The following FYN variants were observed in gnomAD, a reference collection of about 807,000 sequenced individuals.
The protein encoded by FYN is FYN proto-oncogene, Src family tyrosine kinase.
Under a neutral mutation model 70.2 loss-of-function variants are expected in FYN, and 10 were observed. That is an observed-to-expected ratio of 0.14 (90% CI 0.09 to 0.24). The LOEUF (loss-of-function observed/expected upper bound fraction) is 0.24, where lower values mean the gene tolerates loss of function less well. Among genes scored for constraint, FYN ranks in the 10% least tolerant of loss-of-function variants. The pLI is 1.00. For synonymous variants in FYN, 236 were observed against 248.6 expected, an observed-to-expected ratio of 0.95 and a Z score of 0.48; for missense variants, 319 against 673.1, an observed-to-expected ratio of 0.47 and a Z score of 5.82.
chr6:111,775,720 TCACACACCCA>T (rs1185963394), intron 3 of FYN, among the ~76,000 whole-genome samples: 2 of 152,112 alleles, frequency 1.3e-5, no homozygotes, highest in Non-Finnish European at 2.9e-5. Context: ...AAGAATAAAG[TCACACACCCA>T]CCACAGGGAT....
chr6:111,792,556 A>G (rs76069317), intron 2 of FYN, among the ~76,000 whole-genome samples: 88 of 152,384 alleles, frequency 5.8e-4, no homozygotes, highest in African/African-American at 2.1e-3. Context: ...CAAACTCGAA[A>G]TAACTCAAAA....
intron 2 of FYN, among the ~76,000 whole-genome samples, chr6:111,828,293 G>C (rs1433845292): frequency 1.3e-5 from 2 of 152,142 alleles, no homozygotes; most frequent in African/African-American, 4.8e-5. Context: ...TGTGGAAAAA[G>C]AACTTTGTGA....
chr6:111,723,157 C>T (rs140103350), intron 3 of FYN, among the ~76,000 whole-genome samples: 2 of 152,118 alleles, frequency 1.3e-5, no homozygotes, highest in East Asian at 3.9e-4. Context: ...TTTAACCAAA[C>T]TAAGAAAAAA....
chr6:111,774,488 C>T (rs1803626961), intron 3 of FYN, among the ~76,000 whole-genome samples: 1 of 152,132 alleles, frequency 6.6e-6, no homozygotes, highest in Non-Finnish European at 1.5e-5. Flanking sequence ...GGACATTTAC[C>T]ATCCCTGCCC....
chr6:111,770,461 A>AACATTGTGGGAAGAG (rs1159991289), intron 3 of FYN, among the ~76,000 whole-genome samples: 2 of 152,168 alleles, frequency 1.3e-5, no homozygotes, highest in Non-Finnish European at 2.9e-5. Context: ...GATGGGAAGA[A>AACATTGTGGGAAGAG]ACATTGTGGG....
intron 9 of FYN, chr6:111,696,848 A>G (rs1381373152): frequency 6.5e-6 from 1 of 154,830 alleles, no homozygotes; most frequent in African/African-American, 2.4e-5. Context: ...TACAGTGTGC[A>G]TGGAAGAAAT....
Position 111,777,492 on chromosome 6 carries a change from G to A in FYN, c.-12+3074C>T, listed in dbSNP as rs549071548. Among the ~76,000 whole-genome samples, 79 of 152,162 alleles carry A rather than the reference G, an allele frequency of 5.2e-4. No individual in the cohort carries two copies. The South Asian group carries it at 0.015, about 28-fold the overall frequency. On this transcript the variant is annotated intron_variant, in intron 3 of 13. Coordinates refer to ENST00000354650, the MANE Select transcript of FYN (RefSeq NM_002037.5). ...ATTCTGCATGTGTGCACGAGTGTGC[G>A]TTACTGATCTACGATATATTTCAAG...
At chr6:111,666,111 C>T (rs1489136024) in intron 13 of FYN, among the ~76,000 whole-genome samples, 1 of 147,580 alleles carries the variant, frequency 6.8e-6, no homozygotes, top group Non-Finnish European at 1.5e-5. Flanking sequence ...AAGCAATTCT[C>T]ATGCCTCAGC....
chr6:111,725,878 AT>A (rs1185343845), intron 3 of FYN, among the ~76,000 whole-genome samples: 2 of 152,266 alleles, frequency 1.3e-5, no homozygotes, highest in East Asian at 3.9e-4. Context: ...TCGGGTTGTT[AT>A]TTGGCACAGC....
intron 1 of FYN, among the ~76,000 whole-genome samples, chr6:111,864,743 G>C (rs1164640490): frequency 1.3e-5 from 2 of 152,216 alleles, no homozygotes; most frequent in African/African-American, 4.8e-5. Context: ...GCAAAGGCAA[G>C]GAGGCAGGGA....
At chr6:111,672,934 C>T (rs1260089013) in intron 13 of FYN, among the ~76,000 whole-genome samples, 1 of 152,176 alleles carries the variant, frequency 6.6e-6, no homozygotes, top group Non-Finnish European at 1.5e-5. Flanking sequence ...CCCACCTCCA[C>T]CCCTTTGTCT....
chr6:111,720,239 C>T (rs1800867186), intron 3 of FYN, among the ~76,000 whole-genome samples, 177 bp from the exon 4 acceptor site: 1 of 152,040 alleles, frequency 6.6e-6, no homozygotes, highest in Non-Finnish European at 1.5e-5. Context: ...GTTCCTTGAC[C>T]CCACAATCGC....
chr6:111,726,293 CAT>C (rs1801191275), intron 3 of FYN, among the ~76,000 whole-genome samples: 1 of 152,192 alleles, frequency 6.6e-6, no homozygotes, highest in Non-Finnish European at 1.5e-5. Flanking sequence ...AAAACTAATA[CAT>C]GTTTTGGTGG....
At chr6:111,759,813 AAC>A (rs1397370638) in intron 3 of FYN, 1 of 152,248 alleles carries the variant, frequency 6.6e-6, no homozygotes, top group East Asian at 1.9e-4. Flanking sequence ...CAGAGAATCT[AAC>A]ACTGTGTTCA....
intron 12 of FYN, among the ~76,000 whole-genome samples, chr6:111,691,343 C>T (rs1799306703): frequency 6.6e-6 from 1 of 152,210 alleles, no homozygotes; most frequent in African/African-American, 2.4e-5. Context: ...AAACTCACAA[C>T]TGTTTTGAAA....
chr6:111,661,712 C>T lies in FYN; in HGVS notation c.*27G>A, dbSNP rs375784267. On this transcript the variant is annotated 3_prime_UTR_variant, in exon 14 of 14. Transcript: ENST00000354650. The surrounding 1 kb of genome is among the most constrained non-coding windows in gnomAD (Gnocchi z 4.0). ...GGGAGGGGTGGGGCAGCCTCTGGGA[C>T]AAGGCCTCTCTCCGCAGACCCGGGC... 38 of 1,599,976 alleles carry T rather than the reference C, an allele frequency of 2.4e-5. No individual in the cohort carries two copies. Among genetic ancestry groups the T allele is most frequent in the Non-Finnish European group, 3.2e-5 (38 of 1,170,600 alleles).
chr6:111,689,707 GTTCA>G (rs1238641483), intron 12 of FYN, among the ~76,000 whole-genome samples: 1 of 152,140 alleles, frequency 6.6e-6, no homozygotes, highest in African/African-American at 2.4e-5. Flanking sequence ...TGTCTGTGAT[GTTCA>G]TTTACAGGCA....
intron 2 of FYN, among the ~76,000 whole-genome samples, chr6:111,812,976 C>A (rs536219265): frequency 1.3e-5 from 2 of 152,122 alleles, no homozygotes; most frequent in South Asian, 4.2e-4. Flanking sequence ...ACATTGAAAT[C>A]GCCTCACTCA....
Position 111,696,411 on chromosome 6 carries a change from G to C in FYN, c.908C>G (p.Pro303Arg). 1 of 1,611,656 alleles carries C rather than the reference G, an allele frequency of 6.2e-7. No homozygotes were observed. Among genetic ancestry groups the C allele is most frequent in the East Asian group, 2.2e-5 (1 of 44,786 alleles). ...NTKVAIKTLK[P>R]GTMSPESFLE... ...GAATGATTCGGGGGACATTGTGCCT[G>C]GTTTAAGAGTCTTTATGGCTACTTT... Residue 303 changes from proline to arginine, a missense_variant, in exon 10 of 14, where the codon CCA (proline) becomes CGA (arginine). Transcript: ENST00000354650.
Sources: gnomAD v4.1 joint callset for allele counts (sites outside exome capture counted in the v4.1 genomes callset) on GRCh38, gnomAD v4.1.1 for gene constraint, Gnocchi (gnomAD v3.1) non-coding constraint, MANE v1.5 for transcripts, NCBI Gene and HGNC (gene_info 2026-07-23, HGNC 2026-07-21) for gene names.